The following TPO variants were observed in gnomAD, a reference collection of about 807,000 sequenced individuals.
TPO encodes the protein thyroid peroxidase.
A neutral mutation model predicts 96.9 loss-of-function variants in TPO; 78 were observed. The ratio of observed to expected loss-of-function variants is 0.81; its 90% CI spans 0.67 to 0.97. The LOEUF is 0.97. Ranked by LOEUF, TPO falls within the 50% of genes least tolerant of loss-of-function variation. The pLI, the probability that TPO is intolerant of heterozygous loss-of-function variation, is 0.00. For missense variants in TPO, 1,252 were observed against 1,274.8 expected, an observed-to-expected ratio of 0.98 and a Z score of 0.27; for synonymous variants, 547 against 538.0, an observed-to-expected ratio of 1.02 and a Z score of -0.23.
chr2:1,427,244 G>A (rs567518573), intron 3 of TPO, among the ~76,000 whole-genome samples: 1 of 152,352 alleles, frequency 6.6e-6, no homozygotes, highest in Admixed American at 6.5e-5. Flanking sequence ...GATGTGCAGT[G>A]AGCTTGCCGG....
At chr2:1,530,267 T>G (rs1262547595) in intron 15 of TPO, among the ~76,000 whole-genome samples, 1 of 107,094 alleles carries the variant, frequency 9.3e-6, no homozygotes, top group Middle Eastern at 4.5e-3. Flanking sequence ...CCCCACTGTG[T>G]GCAACCTCCT....
intron 11 of TPO, among the ~76,000 whole-genome samples, chr2:1,494,385 G>A (rs1043942771): frequency 2.6e-5 from 4 of 152,226 alleles, no homozygotes; most frequent in Non-Finnish European, 5.9e-5. Context: ...ACAATGCCCG[G>A]GAAAGCGCAG....
chr2:1,463,494 CA>C (rs1668630406), intron 7 of TPO, among the ~76,000 whole-genome samples: 1 of 152,074 alleles, frequency 6.6e-6, no homozygotes, highest in African/African-American at 2.4e-5. Context: ...AATCCCAAAG[CA>C]AAACAGAAAA....
At chr2:1,392,973 ACT>A (rs1662026578) in intron 1 of TPO, among the ~76,000 whole-genome samples, 1 of 151,808 alleles carries the variant, frequency 6.6e-6, no homozygotes, top group Non-Finnish European at 1.5e-5. Context: ...AGTCATATAG[ACT>A]CTTTGTCATC....
At chr2:1,395,992 G>A (rs893456228) in intron 1 of TPO, among the ~76,000 whole-genome samples, 12 of 152,180 alleles carry the variant, frequency 7.9e-5, no homozygotes, top group East Asian at 1.9e-4. Flanking sequence ...TATTAGCAGC[G>A]TGAAAACAGA....
At chr2:1,528,607 A>C (rs1407183358) in intron 15 of TPO, among the ~76,000 whole-genome samples, 3 of 104,110 alleles carry the variant, frequency 2.9e-5, no homozygotes, top group Admixed American at 1.0e-4. Context: ...AATCTACCCC[A>C]GTCTGTGAAA....
rs1048026455 is a variant in TPO at position 1,441,187 on chromosome 2, G to A, written c.482+4803G>A. ...AGGCAGTACGTTGGAAGGGAATAGGGCAGGGTCCTTCTTGTTTGTGTGGTG... is the reference window on the plus strand; with the variant it reads ...AGGCAGTACGTTGGAAGGGAATAGGACAGGGTCCTTCTTGTTTGTGTGGTG... On this transcript the variant is annotated intron_variant, in intron 5 of 16. Transcript: ENST00000329066. Among the ~76,000 whole-genome samples the A allele has an allele frequency of 3.3e-5, 5 of 152,254 alleles. No homozygotes were observed. The East Asian group carries it at 9.7e-4, about 30-fold the overall frequency.
At chr2:1,521,800 C>T (rs1442487915) in intron 15 of TPO, among the ~76,000 whole-genome samples, 1 of 152,020 alleles carries the variant, frequency 6.6e-6, no homozygotes, top group Non-Finnish European at 1.5e-5. Context: ...CCTTAGAGAC[C>T]CACGTCTGCC....
chr2:1,481,116 C>T (rs762690598), intron 8 of TPO, among the ~76,000 whole-genome samples: 3 of 152,188 alleles, frequency 2.0e-5, no homozygotes, highest in African/African-American at 2.4e-5. Context: ...ACCCTGGATC[C>T]ATAAGCCCTG....
Position 1,433,473 on chromosome 2 carries a change from A to T in TPO, c.215A>T (p.Gln72Leu). Residue 72 changes from glutamine (Q) to leucine (L), a missense_variant, in exon 4 of 17, where the codon CAG (glutamine) becomes CTG (leucine). Physicochemically the swap from Gln to Leu is moderately radical, Grantham distance 113. Transcript: ENST00000329066. ...AAAAGAGGAATCCTTTCTCCAGCTC[A>T]GCTTCTGTCTTTTTCCAAACTTCCT... is the stretch of plus-strand genomic sequence containing the variant. ...LKKRGILSPA[Q>L]LLSFSKLPEP... is the part of the protein sequence containing the mutation. 1 of 1,614,210 alleles carries T rather than the reference A, an allele frequency of 6.2e-7. No homozygotes were observed. The highest frequency in any genetic ancestry group is 2.2e-5 in the East Asian group (1 of 44,880).
At chr2:1,535,325 TC>T (rs1232399040) in intron 15 of TPO, among the ~76,000 whole-genome samples, 14 of 45,638 alleles carry the variant, frequency 3.1e-4, no homozygotes, top group Admixed American at 6.8e-4. Context: ...CCTCCTCAAA[TC>T]CCCCCCACTG....
chr2:1,491,885 C>T (rs576777918), intron 10 of TPO, among the ~76,000 whole-genome samples: 2 of 152,276 alleles, frequency 1.3e-5, no homozygotes, highest in East Asian at 1.9e-4. Flanking sequence ...AGACAGAAAA[C>T]GAGAGTGGTT....
chr2:1,392,730 T>C (rs1662022073), intron 1 of TPO, among the ~76,000 whole-genome samples: 1 of 152,164 alleles, frequency 6.6e-6, no homozygotes, highest in African/African-American at 2.4e-5. Flanking sequence ...TGGGAGGGTG[T>C]GTTTGTCCAG....
chr2:1,415,012 T>C (rs1662750064), intron 2 of TPO, among the ~76,000 whole-genome samples: 1 of 152,248 alleles, frequency 6.6e-6, no homozygotes, highest in Non-Finnish European at 1.5e-5. Flanking sequence ...CCTGGACATT[T>C]TACCCCATGG....
intron 15 of TPO, among the ~76,000 whole-genome samples, chr2:1,530,340 TCCC>T (rs1167323283): frequency 1.7e-5 from 2 of 119,262 alleles, no homozygotes; most frequent in East Asian, 5.2e-4. Context: ...CCTCCTCAAA[TCCC>T]CCCAAGTGTG....
At chr2:1,531,100 C>G (rs1164119269) in intron 15 of TPO, among the ~76,000 whole-genome samples, 1 of 103,404 alleles carries the variant, frequency 9.7e-6, no homozygotes, top group Non-Finnish European at 1.9e-5. Flanking sequence ...TGTGCAACCT[C>G]CCCAAATCCC....
chr2:1,495,649 C>T (rs1182473062), intron 11 of TPO, among the ~76,000 whole-genome samples: 1 of 152,252 alleles, frequency 6.6e-6, no homozygotes, highest in African/African-American at 2.4e-5. Context: ...TTCAGACAGC[C>T]AGGTGCACGC....
chr2:1,495,750 C>T (rs546685931), intron 11 of TPO, among the ~76,000 whole-genome samples: 1 of 151,848 alleles, frequency 6.6e-6, no homozygotes, highest in South Asian at 2.1e-4. Flanking sequence ...GCCACAGGGT[C>T]TCCTTCAGGT....
At chr2:1,418,532 G>GA (rs1166814402) in intron 2 of TPO, among the ~76,000 whole-genome samples, 16 of 151,798 alleles carry the variant, frequency 1.1e-4, no homozygotes, top group South Asian at 2.1e-4. Flanking sequence ...TTTGAAAATG[G>GA]AAAAAAAATC....
Sources: gnomAD v4.1 joint callset for allele counts (sites outside exome capture counted in the v4.1 genomes callset) on GRCh38, gnomAD v4.1.1 for gene constraint, MANE v1.5 for transcripts, NCBI Gene and HGNC (gene_info 2026-07-23, HGNC 2026-07-21) for gene names.